SLC6A18: variants seen among roughly 807,000 people sequenced by gnomAD.
The protein encoded by SLC6A18 is solute carrier family 6 member 18.
Under a neutral mutation model 62.9 loss-of-function variants are expected in SLC6A18, and 58 were observed. That is an observed-to-expected ratio of 0.92 (90% CI 0.75 to 1.15). The LOEUF is 1.15. SLC6A18 is among the 50% of genes most tolerant of loss of function. The pLI is 0.00. For synonymous variants in SLC6A18, 382 were observed against 365.8 expected, an observed-to-expected ratio of 1.04 and a Z score of -0.51; for missense variants, 793 against 836.6, an observed-to-expected ratio of 0.95 and a Z score of 0.64.
In SLC6A18 at chr5:1,232,323, G is replaced by A. The variant is rs202179592; in HGVS notation, c.265G>A (p.Val89Met). 55 of 1,611,934 alleles carry A rather than the reference G, an allele frequency of 3.4e-5. No homozygotes were observed. The highest frequency in any genetic ancestry group is 1.8e-4 in the East Asian group (8 of 44,864). ...GQRLRKGSVG[V>M]WTAISPYLSG... ...GCGGCTGCGGAAGGGCAGCGTCGGC[G>A]TGTGGACGGCCATCTCCCCGTACCT... Residue 89 changes from valine (V) to methionine (M), a missense_variant, in exon 2 of 12, where the codon GTG (valine) becomes ATG (methionine). Physicochemically the swap from Val to Met is conservative, Grantham distance 21 (BLOSUM62 1). Coordinates refer to ENST00000324642, the MANE Select transcript of SLC6A18 (RefSeq NM_182632.3).
At chr5:1,239,363 C>T (rs535265914) in intron 5 of SLC6A18, 87 bp from the exon 6 acceptor site, 4 of 986,754 alleles carry the variant, frequency 4.1e-6, no homozygotes, top group Admixed American at 3.6e-5. Flanking sequence ...GTCCCCAAAG[C>T]CACCTTGGGA....
intron 1 of SLC6A18, among the ~76,000 whole-genome samples, chr5:1,228,063 C>T (rs1004742189): frequency 1.3e-5 from 2 of 152,222 alleles, no homozygotes; most frequent in Non-Finnish European, 2.9e-5. Context: ...AAAAACGACA[C>T]TGTATTAATT....
Position 1,239,497 on chromosome 5 carries a change from G to A in SLC6A18, c.780G>A (p.Gln260=). The stretch of plus-strand genomic sequence containing the variant: ...GGGTGTGGCTGGACGCAGCCACCCA[G>A]ATATTCTTCTCTCTGTCCCTGGCCT... ...NPRVWLDAAT[Q]IFFSLSLAFG... is the part of the protein sequence containing the mutation. The change falls in exon 6 of 12, where the codon CAG becomes CAA. Residue 260 remains glutamine, a synonymous_variant. Coordinates refer to ENST00000324642, the MANE Select transcript of SLC6A18 (RefSeq NM_182632.3). 1.2e-6 allele frequency: 2 copies of A among 1,614,204 alleles called. No homozygotes were observed. Among genetic ancestry groups the A allele is most frequent in the Non-Finnish European group, 1.7e-6 (2 of 1,180,022 alleles).
intron 2 of SLC6A18, 87 bp downstream of exon 2, chr5:1,232,446 C>T: frequency 2.0e-6 from 3 of 1,511,704 alleles, no homozygotes; most frequent in Non-Finnish European, 2.7e-6. Context: ...CGGGTCCATG[C>T]CTGTGGTACG....
chr5:1,232,084 C>G, intron 1 of SLC6A18, 135 bp from the exon 2 acceptor site: 1 of 769,486 alleles, frequency 1.3e-6, no homozygotes, highest in Non-Finnish European at 2.1e-6. Flanking sequence ...AAGGGTGTCT[C>G]CACCACCCAA....
chr5:1,242,255 C>A (rs540717796), intron 7 of SLC6A18, among the ~76,000 whole-genome samples: 23 of 152,338 alleles, frequency 1.5e-4, no homozygotes, highest in African/African-American at 5.1e-4. Flanking sequence ...GGGTAGAGAA[C>A]AGCTTCTCCC....
chr5:1,244,671 G>C lies in SLC6A18; in HGVS notation c.1560G>C (p.Trp520Cys). The C allele has an allele frequency of 6.2e-7, 1 of 1,612,638 alleles. No homozygotes were observed. The highest frequency in any genetic ancestry group is 8.5e-7 in the Non-Finnish European group (1 of 1,178,924). The change falls in exon 11 of 12, where the codon TGG (tryptophan) becomes TGC (cysteine). Residue 520 changes from tryptophan to cysteine, a missense_variant. By Grantham distance (215) the Trp-to-Cys change is radical (BLOSUM62 -2). Coordinates refer to ENST00000324642, the MANE Select transcript of SLC6A18 (RefSeq NM_182632.3). ...RRPSPYWRLT[W>C]RVVSPLLLTI... ...CCAGCCCCTACTGGCGGCTGACCTG[G>C]AGGGTGGTCAGTCCCCTGCTGCTGA...
At chr5:1,242,889 C>T in intron 8 of SLC6A18, 26 bp downstream of exon 8, 1 of 1,577,268 alleles carries the variant, frequency 6.3e-7, no homozygotes, top group African/African-American at 1.4e-5. Flanking sequence ...CTGGGGTAGC[C>T]AGGCAGGGCC....
At chr5:1,236,846 G>A (rs565731101) in intron 4 of SLC6A18, among the ~76,000 whole-genome samples, 1 of 152,142 alleles carries the variant, frequency 6.6e-6, no homozygotes, top group Non-Finnish European at 1.5e-5. Context: ...TACATGGAGG[G>A]TGGGGGTCTT....
chr5:1,236,849 G>A (rs946382446), intron 4 of SLC6A18, among the ~76,000 whole-genome samples: 15 of 152,076 alleles, frequency 9.9e-5, no homozygotes, highest in South Asian at 2.1e-4. Context: ...ATGGAGGGTG[G>A]GGGTCTTCAT....
At chr5:1,233,038 C>A in intron 3 of SLC6A18, 150 bp downstream of exon 3, 1 of 1,164,108 alleles carries the variant, frequency 8.6e-7, no homozygotes, top group Non-Finnish European at 1.2e-6. Flanking sequence ...CACATGCACG[C>A]GCCTCGGTCT....
Position 1,243,521 on chromosome 5 carries a change from C to T in SLC6A18, c.1132-34C>T, listed in dbSNP as rs370746444. ...GTGTGTGTGGTGGAGTGTGTGTGTG[C>T]GTGGCCTGAAGCCCGGGGCTCCGTG... On this transcript the variant is annotated intron_variant, in intron 8 of 11. Transcript: ENST00000324642. The surrounding 1 kb of genome is among the most constrained non-coding windows in gnomAD (Gnocchi z 6.5). 40 of 1,596,892 alleles carry T rather than the reference C, an allele frequency of 2.5e-5. No individual in the cohort carries two copies. The highest frequency in any genetic ancestry group is 3.1e-5 in the Non-Finnish European group (36 of 1,170,410).
chr5:1,245,596 G>A (rs898042030), intron 11 of SLC6A18, among the ~76,000 whole-genome samples: 3 of 152,202 alleles, frequency 2.0e-5, no homozygotes, highest in Non-Finnish European at 2.9e-5. Flanking sequence ...TCTGGTTCCA[G>A]AACACAACAC....
At chr5:1,244,181 C>CTTACCCCCCCCACCCCT in intron 9 of SLC6A18, 33 bp from the exon 10 acceptor site, 1 of 1,360,404 alleles carries the variant, frequency 7.4e-7, no homozygotes. Context: ...TCCCCATCCC[C>CTTACCCCCCCCACCCCT]TTACCCCCCA....
At chr5:1,240,895 T>C (rs1561179911) in intron 7 of SLC6A18, among the ~76,000 whole-genome samples, 1 of 152,124 alleles carries the variant, frequency 6.6e-6, no homozygotes, top group East Asian at 1.9e-4. Flanking sequence ...TGGAGTAGGG[T>C]AGGCCCTAAA....
rs547444983 is a variant in SLC6A18, at chr5:1,232,994, G to C, written c.439+106G>C. ...GCTGCGGGTGGCGGATGCTCACCGC[G>C]GGGGGAGGGCCGGGGAACCGGTTGC... is the stretch of plus-strand genomic sequence containing the variant. On this transcript the variant is annotated intron_variant, in intron 3 of 11. Transcript: ENST00000324642. The C allele has an allele frequency of 8.1e-4, 1,185 of 1,461,552 alleles. 16 individuals are homozygous for C. The South Asian group carries it at 0.015, about 19-fold the overall frequency. 90.5% of individuals were successfully genotyped at this position (1,461,552 alleles called of 1,614,324 possible).
intron 1 of SLC6A18, among the ~76,000 whole-genome samples, chr5:1,227,483 C>A (rs1746613688): frequency 6.6e-6 from 1 of 152,256 alleles, no homozygotes; most frequent in East Asian, 1.9e-4. Context: ...AGCATTCTCA[C>A]CCTGTGTGTG....
rs1258481522 is a variant in SLC6A18 at position 1,243,925 on chromosome 5, A to G, written c.1336+166A>G. On this transcript the variant is annotated intron_variant, in intron 9 of 11. Coordinates refer to ENST00000324642, the MANE Select transcript of SLC6A18 (RefSeq NM_182632.3). This position sits in a 1 kb window ranked among gnomAD's most constrained non-coding sequence, Gnocchi z 6.5. ...TCCTTGCTGACAGCCATCAACGGAG[A>G]GCCGAGGGTCGAGGGAGGGTCAGGG... 1.3e-5 allele frequency among the ~76,000 whole-genome samples: 2 copies of G among 152,128 alleles called. No individual in the cohort carries two copies. Among genetic ancestry groups the G allele is most frequent in the Admixed American group, 6.5e-5 (1 of 15,288 alleles).
rs1747103047 is a variant in SLC6A18 at position 1,242,886 on chromosome 5, A to ACAGGAGCACCAGG, written c.1131+23_1131+24insCAGGAGCACCAGG. On this transcript the variant is annotated intron_variant, in intron 8 of 11. Transcript: ENST00000324642. ...AAGGTACCTGCACACCCCCTGGGGT[A>ACAGGAGCACCAGG]GCCAGGCAGGGCCGTCCACAGGAGC... 1.9e-6 allele frequency: 3 copies of ACAGGAGCACCAGG among 1,578,614 alleles called. No individual in the cohort carries two copies. In the East Asian group the frequency reaches 6.8e-5, roughly 36 times the overall value.
Sources: gnomAD v4.1 joint callset for allele counts (sites outside exome capture counted in the v4.1 genomes callset) on GRCh38, gnomAD v4.1.1 for gene constraint, Gnocchi (gnomAD v3.1) non-coding constraint, MANE v1.5 for transcripts, NCBI Gene and HGNC (gene_info 2026-07-23, HGNC 2026-07-21) for gene names.